Variants in NRXN1 observed in about 807,000 individuals in gnomAD.
The protein encoded by NRXN1 is neurexin-1.
A neutral mutation model predicts 150.9 loss-of-function variants in NRXN1; 39 were observed. The ratio of observed to expected loss-of-function variants is 0.26; its 90% CI spans 0.20 to 0.34. The LOEUF is 0.34. NRXN1 is among the 10% of genes least tolerant of loss of function. The pLI, the probability that NRXN1 is intolerant of heterozygous loss-of-function variation, is 1.00. For synonymous variants in NRXN1, 924 were observed against 757.0 expected (o/e 1.22, Z -3.62); for missense variants, 1,815 against 1,949.9 (o/e 0.93, Z 1.30).
At chr2:50,747,058 T>C (rs1051943875) in intron 5 of NRXN1, among the ~76,000 whole-genome samples, 1 of 152,172 alleles carries the variant, frequency 6.6e-6, no homozygotes. Context: ...TTCATGTGCT[T>C]TTCTTGTACT....
At chr2:50,334,432 T>C (rs2077052482) in intron 17 of NRXN1, among the ~76,000 whole-genome samples, 1 of 152,062 alleles carries the variant, frequency 6.6e-6, no homozygotes, top group Non-Finnish European at 1.5e-5. Flanking sequence ...TTTCTCTCTA[T>C]TTACCACATA....
rs115099818 is a variant in NRXN1, at chr2:50,833,309, C to T, written c.832+88560G>A. Among the ~76,000 whole-genome samples the T allele has an allele frequency of 7.3e-3, 1,116 of 152,214 alleles. 10 individuals are homozygous for T. Among genetic ancestry groups the T allele is most frequent in the African/African-American group, 0.025 (1,057 of 41,542 alleles). On this transcript the variant is annotated intron_variant, in intron 5 of 22. Transcript: ENST00000401669. The stretch of plus-strand genomic sequence containing the variant: ...AATTAAATATATACTTACCATATGT[C>T]CCCAAGATTCTACTTTTAGATGTTT...
intron 17 of NRXN1, among the ~76,000 whole-genome samples, chr2:50,259,207 A>T (rs549328414): frequency 6.6e-6 from 1 of 151,976 alleles, no homozygotes; most frequent in South Asian, 2.1e-4. Context: ...TTCTTCAAAA[A>T]CTATATAAAG....
At chr2:50,477,881 C>G (rs1044735860) in intron 15 of NRXN1, among the ~76,000 whole-genome samples, 5 of 152,106 alleles carry the variant, frequency 3.3e-5, no homozygotes, top group African/African-American at 7.2e-5. Flanking sequence ...GAAGATTGGA[C>G]CTTGGAGAGA....
chr2:50,267,957 A>T (rs1490155429), intron 17 of NRXN1, among the ~76,000 whole-genome samples: 1 of 152,138 alleles, frequency 6.6e-6, no homozygotes, highest in Non-Finnish European at 1.5e-5. Context: ...TGGGAGGCAG[A>T]GGCAGGTGGA....
At chr2:50,630,469 C>T (rs1238511319) in intron 5 of NRXN1, among the ~76,000 whole-genome samples, 1 of 151,684 alleles carries the variant, frequency 6.6e-6, no homozygotes, top group African/African-American at 2.4e-5. Context: ...GACCCAATGC[C>T]TCTGTATCTT....
intron 17 of NRXN1, among the ~76,000 whole-genome samples, chr2:50,365,694 C>G (rs1056157453): frequency 1.3e-4 from 20 of 152,008 alleles, no homozygotes; most frequent in Admixed American, 8.5e-4. Flanking sequence ...TGACAAAGTT[C>G]TAGCTACTAT....
intron 5 of NRXN1, among the ~76,000 whole-genome samples, chr2:50,908,737 T>G (rs1684091221): frequency 1.3e-5 from 2 of 152,084 alleles, no homozygotes; most frequent in South Asian, 2.1e-4. Flanking sequence ...ATACGCTGAC[T>G]GGAAGTGGGT....
intron 5 of NRXN1, among the ~76,000 whole-genome samples, chr2:50,649,502 T>A (rs2104545176): frequency 6.6e-6 from 1 of 152,108 alleles, no homozygotes; most frequent in Non-Finnish European, 1.5e-5. Flanking sequence ...AGAATCAAAC[T>A]TACATTTTCC....
chr2:50,745,287 A>T (rs1432369877), intron 5 of NRXN1, among the ~76,000 whole-genome samples: 1 of 147,068 alleles, frequency 6.8e-6, no homozygotes, highest in Non-Finnish European at 1.5e-5. Context: ...GCTTATTTTT[A>T]TATTTATATC....
At chr2:50,812,249 G>A (rs936945141) in intron 5 of NRXN1, among the ~76,000 whole-genome samples, 1 of 152,136 alleles carries the variant, frequency 6.6e-6, no homozygotes, top group Non-Finnish European at 1.5e-5. Context: ...ATAGCAGAAT[G>A]ACTTTGTCTA....
At chr2:50,053,709 C>T (rs1160310510) in intron 20 of NRXN1, 119 bp from the exon 21 acceptor site, 2 of 969,082 alleles carry the variant, frequency 2.1e-6, no homozygotes, top group Admixed American at 4.2e-5. Context: ...ATAAGAGAGG[C>T]ATTTGACTCA....
At chr2:50,862,725 A>G (rs191769315) in intron 5 of NRXN1, among the ~76,000 whole-genome samples, 1 of 152,206 alleles carries the variant, frequency 6.6e-6, no homozygotes, top group Admixed American at 6.6e-5. Flanking sequence ...TTTGCTTTCA[A>G]TTACTGCTAA....
intron 5 of NRXN1, chr2:50,912,250 T>C (rs995258696): frequency 6.6e-6 from 1 of 151,832 alleles, no homozygotes. Flanking sequence ...CAATCTGCCA[T>C]AACCTAGTGA....
At chr2:50,965,695 T>G (rs775844027) in intron 2 of NRXN1, among the ~76,000 whole-genome samples, 3 of 151,518 alleles carry the variant, frequency 2.0e-5, no homozygotes, top group Non-Finnish European at 3.0e-5. Flanking sequence ...AACTCACGGT[T>G]TTAATGCTGA....
At chr2:50,629,194 A>G (rs760223549) in intron 5 of NRXN1, among the ~76,000 whole-genome samples, 1 of 151,756 alleles carries the variant, frequency 6.6e-6, no homozygotes, top group Non-Finnish European at 1.5e-5. Flanking sequence ...CCCTGCATAA[A>G]TTATCTAAAA....
At chr2:50,140,505 G>T (rs1045205592) in intron 18 of NRXN1, among the ~76,000 whole-genome samples, 1 of 152,058 alleles carries the variant, frequency 6.6e-6, no homozygotes, top group African/African-American at 2.4e-5. Context: ...AAAGTCCAGT[G>T]ACTACAGAGG....
At chr2:50,566,534 C>T (rs1170678618) in intron 8 of NRXN1, among the ~76,000 whole-genome samples, 3 of 151,590 alleles carry the variant, frequency 2.0e-5, no homozygotes, top group South Asian at 4.2e-4. Flanking sequence ...GGATTACAGG[C>T]GTGAGCCACC....
chr2:50,010,476 T>A (rs922442123), intron 21 of NRXN1, among the ~76,000 whole-genome samples: 1 of 152,170 alleles, frequency 6.6e-6, no homozygotes, highest in Non-Finnish European at 1.5e-5. Flanking sequence ...AACCAGATTC[T>A]GGTAGAGCTA....
Sources: allele counts gnomAD v4.1 joint callset (sites outside exome capture counted in the v4.1 genomes callset), GRCh38; gene constraint gnomAD v4.1.1; transcripts MANE v1.5; gene names NCBI Gene and HGNC (gene_info 2026-07-23, HGNC 2026-07-21).